The following CD5L variants were observed in gnomAD, a reference collection of about 807,000 sequenced individuals.
CD5L encodes CD5 molecule like.
A neutral mutation model predicts 40.8 loss-of-function variants in CD5L; 39 were observed. The observed-to-expected ratio is 0.96, with a 90% CI of 0.74 to 1.25. The LOEUF is 1.25. CD5L is among the 50% of genes most tolerant of loss of function. The pLI is 0.00. For synonymous variants in CD5L, 192 were observed against 169.6 expected (o/e 1.13, Z -1.03); for missense variants, 433 against 435.9 (o/e 0.99, Z 0.06).
intron 4 of CD5L, 28 bp downstream of exon 4, chr1:157,834,379 A>G: frequency 6.4e-7 from 1 of 1,559,808 alleles, no homozygotes; most frequent in Non-Finnish European, 8.8e-7. Context: ...CCATGAATAA[A>G]CCTAGTCTTT....
At chr1:157,838,801 G>A (rs1366098061) in intron 2 of CD5L, among the ~76,000 whole-genome samples, 2 of 151,932 alleles carry the variant, frequency 1.3e-5, no homozygotes. Flanking sequence ...GGGGAGACTG[G>A]AAGGATAATA....
Position 157,831,333 on chromosome 1 carries a change from A to C in CD5L, c.*631T>G. On this transcript the variant is annotated 3_prime_UTR_variant, in exon 6 of 6. Coordinates refer to ENST00000368174, the MANE Select transcript of CD5L (RefSeq NM_005894.3). ...ACATCATTTTTTACACGTCATGAAA[A>C]GGTCTAGGATTATAGGACGCTGCTC... 1 of 985,366 alleles carries C rather than the reference A, an allele frequency of 1.0e-6. No individual in the cohort carries two copies. The highest frequency in any genetic ancestry group is 4.7e-5 in the South Asian group (1 of 21,274). The allele number at this position is 985,366 out of a possible 1,614,324, so 61.0% of individuals were successfully genotyped here.
Position 157,831,971 on chromosome 1 carries a change from A to C in CD5L, c.1040-3T>G. The C allele has an allele frequency of 6.3e-7, 1 of 1,588,236 alleles. No homozygotes were observed. The highest frequency in any genetic ancestry group is 8.6e-7 in the Non-Finnish European group (1 of 1,168,798). ...TCAAGCAACACCAGGATACTATCCT[A>C]TAAAGAGAAGAGGAAAATGCAGTAA... On this transcript the variant is annotated splice_region_variant and splice_polypyrimidine_tract_variant and intron_variant, in intron 5 of 5. Transcript: ENST00000368174.
downstream of CD5L, among the ~76,000 whole-genome samples, chr1:157,829,748 A>G (rs1448480864): frequency 2.0e-5 from 3 of 152,220 alleles, no homozygotes; most frequent in Admixed American, 6.5e-5. Context: ...TTTTGGTTGG[A>G]AGTACGAAAA....
At position 157,841,712 on chromosome 1, in the gene CD5L, G is replaced by A. The variant is rs369016557; in HGVS notation, c.-11C>T. The A allele has an allele frequency of 7.8e-4, 1,253 of 1,612,584 alleles. No individual in the cohort carries two copies. Among genetic ancestry groups the A allele is most frequent in the Non-Finnish European group, 1.0e-3 (1,204 of 1,179,306 alleles). ...GAATAGCAGAGCCATGACCAAGGCA[G>A]GTGAAGGTGATGAGCTGAAATTTAA... is the stretch of plus-strand genomic sequence containing the variant. On this transcript the variant is annotated 5_prime_UTR_variant, in exon 1 of 6. Transcript: ENST00000368174.
chr1:157,835,681 C>T (rs1319808660), intron 3 of CD5L, among the ~76,000 whole-genome samples, 154 bp downstream of exon 3: 1 of 152,156 alleles, frequency 6.6e-6, no homozygotes, highest in Non-Finnish European at 1.5e-5. Context: ...TATTGTTTAT[C>T]TCCAGCACTG....
At position 157,831,928 on chromosome 1, in the gene CD5L, G is replaced by T; in HGVS notation, c.*36C>A. 6.4e-7 allele frequency: 1 copy of T among 1,560,002 alleles called. No homozygotes were observed. The highest frequency in any genetic ancestry group is 8.6e-7 in the Non-Finnish European group (1 of 1,157,948). On this transcript the variant is annotated 3_prime_UTR_variant, in exon 6 of 6. Transcript: ENST00000368174. ...TCAGGAGAACAAGCAGAGGGCAGGC[G>T]GGGCCAGGGGGGCCAGGTCAAGCAA...
downstream of CD5L, among the ~76,000 whole-genome samples, chr1:157,827,759 T>C (rs1419244789): frequency 6.6e-6 from 1 of 152,074 alleles, no homozygotes; most frequent in African/African-American, 2.4e-5. Context: ...AATTAACATA[T>C]AGAATTAACC....
At chr1:157,828,688 T>C (rs1026621792), downstream of CD5L, among the ~76,000 whole-genome samples, 2 of 152,236 alleles carry the variant, frequency 1.3e-5, no homozygotes, top group African/African-American at 4.8e-5. Flanking sequence ...GGGTTTTCTT[T>C]CTCTCCTACT....
chr1:157,835,713 G>T, intron 3 of CD5L, 122 bp downstream of exon 3: 2 of 748,620 alleles, frequency 2.7e-6, no homozygotes, highest in Non-Finnish European at 2.2e-6. Flanking sequence ...AGTATGAGAT[G>T]TGGGGGGTGA....
At chr1:157,828,781 T>G (rs185359697), downstream of CD5L, among the ~76,000 whole-genome samples, 1 of 152,336 alleles carries the variant, frequency 6.6e-6, no homozygotes, top group Admixed American at 6.5e-5. Flanking sequence ...TTCAAGGGAA[T>G]GTAAGCTAAA....
intron 2 of CD5L, among the ~76,000 whole-genome samples, chr1:157,838,578 T>C (rs1470105730): frequency 2.0e-5 from 3 of 151,282 alleles, no homozygotes; most frequent in African/African-American, 7.3e-5. Context: ...AAACAAAAAA[T>C]AAGTAAACAA....
intron 1 of CD5L, among the ~76,000 whole-genome samples, chr1:157,839,917 A>G (rs1043314259): frequency 6.6e-6 from 1 of 152,150 alleles, no homozygotes; most frequent in Admixed American, 6.6e-5. Context: ...CCAGACAGTA[A>G]TATTTTCAGT....
chr1:157,833,927 T>A (rs964518423), intron 4 of CD5L, among the ~76,000 whole-genome samples: 16 of 152,130 alleles, frequency 1.1e-4, no homozygotes, highest in Non-Finnish European at 1.6e-4. Context: ...ATCATCTACA[T>A]GCTTACCAAG....
chr1:157,835,986 A>G lies in CD5L; in HGVS notation c.225T>C (p.Ser75=), dbSNP rs1177395034. 1.2e-6 allele frequency: 2 copies of G among 1,614,138 alleles called. No homozygotes were observed. Among genetic ancestry groups the G allele is most frequent in the Non-Finnish European group, 1.7e-6 (2 of 1,180,018 alleles). Residue 75 remains serine, a synonymous_variant, in exon 3 of 6, where the codon AGT becomes AGC. Coordinates refer to ENST00000368174, the MANE Select transcript of CD5L (RefSeq NM_005894.3). ...CTGCTGGTGGCTCATACAAAATACC[A>G]CTAGGGGTTCCGCTGGCAGCTCCAC... ...LGCGAASGTP[S]GILYEPPAEK...
At position 157,831,839 on chromosome 1, in the gene CD5L, T is replaced by G; in HGVS notation, c.*125A>C. ...GGCATAAGCCCAGTGTTCAGACTCCTGAGGGGATGAGGGAGTAGTGGCTCA... is the reference window on the plus strand; with the variant it reads ...GGCATAAGCCCAGTGTTCAGACTCCGGAGGGGATGAGGGAGTAGTGGCTCA... On this transcript the variant is annotated 3_prime_UTR_variant, in exon 6 of 6. Transcript: ENST00000368174. The G allele has an allele frequency of 6.9e-7, 1 of 1,446,476 alleles. No homozygotes were observed. Among genetic ancestry groups the G allele is most frequent in the Non-Finnish European group, 9.1e-7 (1 of 1,101,212 alleles). 89.6% of individuals were successfully genotyped at this position (1,446,476 alleles called of 1,614,324 possible).
chr1:157,841,514 G>A (rs571360010), intron 1 of CD5L, among the ~76,000 whole-genome samples, 160 bp downstream of exon 1: 4 of 152,278 alleles, frequency 2.6e-5, no homozygotes, highest in South Asian at 4.1e-4. Context: ...TGGATTAAGC[G>A]GCTTTTTAAG....
chr1:157,836,457 A>G (rs1013046964), intron 2 of CD5L, among the ~76,000 whole-genome samples: 3 of 152,200 alleles, frequency 2.0e-5, no homozygotes, highest in Non-Finnish European at 4.4e-5. Context: ...GATCCAGCAG[A>G]GTTTTAGATT....
downstream of CD5L, among the ~76,000 whole-genome samples, chr1:157,828,679 G>C (rs548269684): frequency 1.6e-4 from 25 of 152,258 alleles, no homozygotes; most frequent in African/African-American, 6.0e-4. Flanking sequence ...CACTTTGTTG[G>C]GTTTTCTTTC....
Sources: gnomAD v4.1 joint callset for allele counts (sites outside exome capture counted in the v4.1 genomes callset) on GRCh38, gnomAD v4.1.1 for gene constraint, MANE v1.5 for transcripts, NCBI Gene and HGNC (gene_info 2026-07-23, HGNC 2026-07-21) for gene names.